The following SLC2A14 variants were observed in gnomAD, a reference collection of about 807,000 sequenced individuals.
SLC2A14 encodes the protein solute carrier family 2 member 14.
Under a neutral mutation model 43.0 loss-of-function variants are expected in SLC2A14, and 13 were observed. The ratio of observed to expected loss-of-function variants is 0.30; its 90% confidence interval spans 0.20 to 0.48. The LOEUF (loss-of-function observed/expected upper bound fraction) is 0.48, where lower values mean the gene tolerates loss of function less well. Among genes scored for constraint, SLC2A14 ranks in the 20% least tolerant of loss-of-function variants. The probability of loss-of-function intolerance (pLI) is 0.99; values close to 1 mark genes in which losing one functional copy is unlikely to be tolerated. For missense variants in SLC2A14, 428 were observed against 620.4 expected (o/e 0.69, Z 3.29); for synonymous variants, 190 against 233.8 (o/e 0.81, Z 1.71).
In SLC2A14 at chr12:7,821,229, A is replaced by C; in HGVS notation, c.961T>G (p.Leu321Val). 3 of 1,613,108 alleles carry C rather than the reference A, an allele frequency of 1.9e-6. No homozygotes were observed. The highest frequency in any genetic ancestry group is 2.5e-6 in the Non-Finnish European group (3 of 1,179,268). ...CAAACCATCCAACTTACAGAAAGTA[A>C]AGTGAAGATAGTATTAACCACACCC... ...SAGVVNTIFT[L>V]LSLFLVERAG... Residue 321 changes from leucine to valine, a missense_variant, in exon 8 of 11, where the codon TTA (leucine) becomes GTA (valine). By Grantham distance (32) the Leu-to-Val change is conservative. Around this residue, in one of 4 missense-constraint regions of SLC2A14, gnomAD observed 185 missense variants for 275.4 expected, o/e 0.67. Coordinates refer to ENST00000431042, the MANE Select transcript of SLC2A14 (RefSeq NM_001286234.2).
intron 2 of SLC2A14, among the ~76,000 whole-genome samples, chr12:7,857,033 C>T (rs1565556858): frequency 6.6e-6 from 1 of 151,066 alleles, no homozygotes; most frequent in Non-Finnish European, 1.5e-5. Flanking sequence ...GGGCGGATCA[C>T]GAGGTCAAGA....
At chr12:7,867,107 G>A (rs897247313) in intron 2 of SLC2A14, among the ~76,000 whole-genome samples, 4 of 151,476 alleles carry the variant, frequency 2.6e-5, no homozygotes, top group East Asian at 2.0e-4. Context: ...GTGAAACCCC[G>A]TCTCTACTAA....
In SLC2A14 at chr12:7,869,919, C is replaced by A; in HGVS notation, c.-39G>T. The A allele has an allele frequency of 6.5e-7, 1 of 1,528,502 alleles. No homozygotes were observed. The highest frequency in any genetic ancestry group is 8.8e-7 in the Non-Finnish European group (1 of 1,141,042). The allele number at this position is 1,528,502 out of a possible 1,614,324, so 94.7% of individuals were successfully genotyped here. The stretch of plus-strand genomic sequence containing the variant: ...TAGGAATTGACTCCCTCTCCAATTT[C>A]TCTTCAAGGTACTGCTTCCTGTAAA... On this transcript the variant is annotated 5_prime_UTR_variant, in exon 2 of 11. Transcript: ENST00000431042.
intron 2 of SLC2A14, among the ~76,000 whole-genome samples, chr12:7,836,262 C>T (rs1239269886): frequency 6.6e-6 from 1 of 151,436 alleles, no homozygotes; most frequent in African/African-American, 2.4e-5. Context: ...ACTTGGTCAC[C>T]CAGGCTGGTG....
intron 5 of SLC2A14, 48 bp downstream of exon 5, chr12:7,829,718 A>T: frequency 1.2e-6 from 2 of 1,600,138 alleles, no homozygotes; most frequent in Admixed American, 3.5e-5. Context: ...AACTTTTTTA[A>T]TGACCCATGA....
Position 7,812,703 on chromosome 12 carries a change from T to G in SLC2A14, c.*1613A>C, listed in dbSNP as rs1168349580. 6.6e-6 allele frequency: 1 copy of G among 152,064 alleles called. No individual in the cohort carries two copies. The highest frequency in any genetic ancestry group is 2.4e-5 in the African/African-American group (1 of 41,398). The allele number at this position is 152,064 out of a possible 1,614,324, so 9.4% of individuals were successfully genotyped here. A position where few individuals can be genotyped will look rare whatever the true frequency, so the allele number is the denominator to read the frequency against. On this transcript the variant is annotated 3_prime_UTR_variant, in exon 11 of 11. Transcript: ENST00000431042. ...ACCTTTCCAGCTAAACCCCACTCCATAGCTACGTGCATTTTTATTCAAAGG... is the reference window on the plus strand; with the variant it reads ...ACCTTTCCAGCTAAACCCCACTCCAGAGCTACGTGCATTTTTATTCAAAGG...
At chr12:7,873,445 C>T (rs376446635), upstream of SLC2A14, 47 of 760,424 alleles carry the variant, frequency 6.2e-5, no homozygotes, top group East Asian at 2.2e-3. Context: ...GGTTCGAGAC[C>T]AGCCTGGCCA....
chr12:7,869,005 A>C (rs952591344), intron 2 of SLC2A14, among the ~76,000 whole-genome samples: 1 of 151,932 alleles, frequency 6.6e-6, no homozygotes, highest in Non-Finnish European at 1.5e-5. Flanking sequence ...TTAGCCGGGC[A>C]TGGTGGCTCA....
At chr12:7,874,732 TATATAAAA>T (rs796641512), upstream of SLC2A14, among the ~76,000 whole-genome samples, 642 of 5,046 alleles carry the variant, frequency 0.13, 13 homozygotes, top group South Asian at 0.44. Flanking sequence ...ATATAAAAAA[TATATAAAA>T]ATATATATAA....
rs770147738 is a variant in SLC2A14, at chr12:7,814,508, A to G, written c.1302T>C (p.Ile434=). Residue 434 remains isoleucine, a synonymous_variant, in exon 11 of 11, where the codon ATT becomes ATC. Transcript: ENST00000431042. Reference sequence around the variant, plus strand: ...AGGTAATGAGGAAGCCGGTGAAGATAATAAAAACGTAGGCTCCTAAATAGT... The same window carrying G: ...AGGTAATGAGGAAGCCGGTGAAGATGATAAAAACGTAGGCTCCTAAATAGT... ...AAYYLGAYVF[I]IFTGFLITFL... is the part of the protein sequence containing the mutation. 6.2e-6 allele frequency: 10 copies of G among 1,613,716 alleles called. No homozygotes were observed. The highest frequency in any genetic ancestry group is 2.2e-5 in the South Asian group (2 of 91,072).
chr12:7,882,842 T>C (rs1945611378), intron 1 of SLC2A14, among the ~76,000 whole-genome samples: 1 of 151,526 alleles, frequency 6.6e-6, no homozygotes, highest in South Asian at 2.1e-4. Flanking sequence ...TCAAAAAAAT[T>C]TGCTTGAGAC....
At chr12:7,871,124 T>C (rs1592315633) in intron 1 of SLC2A14, 5 of 1,333,686 alleles carry the variant, frequency 3.7e-6, no homozygotes, top group Non-Finnish European at 5.0e-6. Context: ...CTCACCATGT[T>C]TGGGGAGAAG....
At chr12:7,889,485 G>C (rs751750127) in intron 1 of SLC2A14, among the ~76,000 whole-genome samples, 1 of 149,250 alleles carries the variant, frequency 6.7e-6, no homozygotes, top group Non-Finnish European at 1.5e-5. Flanking sequence ...ACACCACCTC[G>C]GCCTCCCAAA....
At chr12:7,825,590 A>G (rs7972370) in intron 7 of SLC2A14, among the ~76,000 whole-genome samples, 13,343 of 150,586 alleles carry the variant, frequency 0.089, 1,497 homozygotes, top group African/African-American at 0.25. Flanking sequence ...ACAGAAACCC[A>G]ATCTCTACTA....
intron 2 of SLC2A14, chr12:7,863,300 C>T (rs1944703240): frequency 2.3e-6 from 1 of 441,426 alleles, no homozygotes; most frequent in South Asian, 1.6e-5. Flanking sequence ...AAGGAAAACA[C>T]TCCGAACGCA....
intron 2 of SLC2A14, among the ~76,000 whole-genome samples, chr12:7,857,641 CT>C (rs1343472359): frequency 6.6e-6 from 1 of 152,082 alleles, no homozygotes; most frequent in African/African-American, 2.4e-5. Flanking sequence ...AAATAGTTCT[CT>C]TGATCTTACC....
At chr12:7,886,151 CTTTTTTTTTTTTTTT>C (rs3044922) in intron 1 of SLC2A14, among the ~76,000 whole-genome samples, 9 of 44,696 alleles carry the variant, frequency 2.0e-4, no homozygotes, top group Non-Finnish European at 2.7e-4. Context: ...GCCCGGACAG[CTTTTTTTTTTTTTTT>C]TTTTTTTTTT....
intron 2 of SLC2A14, among the ~76,000 whole-genome samples, chr12:7,840,669 A>G (rs749783278): frequency 1.3e-3 from 192 of 152,296 alleles, no homozygotes; most frequent in African/African-American, 4.5e-3. Context: ...TACGGGCGTG[A>G]GGCACTGCGC....
intron 7 of SLC2A14, among the ~76,000 whole-genome samples, chr12:7,826,744 T>C (rs1480169505): frequency 2.0e-5 from 3 of 152,060 alleles, no homozygotes; most frequent in Admixed American, 2.0e-4. Context: ...CTCCCTATTC[T>C]ACTTGTAAAA....
Sources: allele counts gnomAD v4.1 joint callset (sites outside exome capture counted in the v4.1 genomes callset), GRCh38; gene constraint gnomAD v4.1.1; regional missense constraint gnomAD v4.1.1; transcripts MANE v1.5; gene names NCBI Gene and HGNC (gene_info 2026-07-23, HGNC 2026-07-21).